Variants in GBE1 observed in about 807,000 individuals in gnomAD.
GBE1 encodes 1,4-alpha-glucan branching enzyme 1, also known as 1,4-alpha-glucan-branching enzyme.
In GBE1, 70 loss-of-function variants were observed where a neutral mutation model predicts 88.8. That is an observed-to-expected ratio of 0.79 (90% confidence interval 0.65 to 0.96). The LOEUF is 0.96. GBE1 is among the 40% of genes least tolerant of loss of function. GBE1 has a pLI of 0.00. For synonymous variants in GBE1, 284 were observed against 300.1 expected (o/e 0.95, Z 0.56); for missense variants, 872 against 871.0 (o/e 1.00, Z -0.01).
chr3:81,757,333 G>A (rs1288155504), intron 1 of GBE1, among the ~76,000 whole-genome samples: 1 of 152,178 alleles, frequency 6.6e-6, no homozygotes, highest in Non-Finnish European at 1.5e-5. Flanking sequence ...GAACTCAAGA[G>A]AAATGAGGAA....
At chr3:81,593,112 C>G (rs1004407312) in intron 8 of GBE1, among the ~76,000 whole-genome samples, 2 of 151,946 alleles carry the variant, frequency 1.3e-5, no homozygotes, top group Admixed American at 1.3e-4. Context: ...CCTGCAATCC[C>G]AGCACTTTGG....
chr3:81,525,008 G>A (rs1490291064), intron 14 of GBE1, among the ~76,000 whole-genome samples: 1 of 151,788 alleles, frequency 6.6e-6, no homozygotes, highest in Non-Finnish European at 1.5e-5. Flanking sequence ...GATTGGTATG[G>A]TCATTGGTAT....
chr3:81,594,525 T>G (rs1023795852), intron 7 of GBE1, among the ~76,000 whole-genome samples: 1 of 151,944 alleles, frequency 6.6e-6, no homozygotes, highest in Non-Finnish European at 1.5e-5. Context: ...GTTTAAAATA[T>G]TTCCTCATGC....
intron 1 of GBE1, among the ~76,000 whole-genome samples, chr3:81,736,534 T>G (rs535300594): frequency 6.6e-6 from 1 of 152,332 alleles, no homozygotes; most frequent in African/African-American, 2.4e-5. Context: ...ACTTCCAGAT[T>G]GCTGCTAATA....
chr3:81,748,517 A>C (rs1454012794), intron 1 of GBE1, among the ~76,000 whole-genome samples: 1 of 151,926 alleles, frequency 6.6e-6, no homozygotes, highest in Non-Finnish European at 1.5e-5. Flanking sequence ...AGACTGGGGC[A>C]GGAGAATGGC....
At chr3:81,521,642 G>A (rs1412540046) in intron 14 of GBE1, among the ~76,000 whole-genome samples, 2 of 151,448 alleles carry the variant, frequency 1.3e-5, no homozygotes, top group African/African-American at 2.4e-5. Context: ...TAAAAGAAGA[G>A]ATCCATTTGC....
chr3:81,568,360 C>T (rs1407897039), intron 12 of GBE1, among the ~76,000 whole-genome samples: 3 of 152,144 alleles, frequency 2.0e-5, no homozygotes, highest in Admixed American at 6.5e-5. Context: ...GCTGGCCAGG[C>T]TGGTCACCAA....
At chr3:81,625,149 C>T (rs1343516025) in intron 7 of GBE1, among the ~76,000 whole-genome samples, 1 of 151,616 alleles carries the variant, frequency 6.6e-6, no homozygotes, top group African/African-American at 2.4e-5. Context: ...GGAAGAAAAA[C>T]ACAGAAACCA....
intron 12 of GBE1, among the ~76,000 whole-genome samples, chr3:81,542,443 T>G (rs1302152750): frequency 6.6e-6 from 1 of 152,134 alleles, no homozygotes; most frequent in Non-Finnish European, 1.5e-5. Context: ...TCCCAAGTTT[T>G]GAACACTGCT....
intron 1 of GBE1, among the ~76,000 whole-genome samples, chr3:81,742,322 G>A (rs943465950): frequency 6.6e-6 from 1 of 152,044 alleles, no homozygotes; most frequent in African/African-American, 2.4e-5. Context: ...TTATTCTAGT[G>A]TGAATACTGC....
At chr3:81,607,050 C>T (rs1278230836) in intron 7 of GBE1, among the ~76,000 whole-genome samples, 1 of 152,136 alleles carries the variant, frequency 6.6e-6, no homozygotes, top group African/African-American at 2.4e-5. Context: ...GCAGGCTACA[C>T]CATATTGCCA....
intron 7 of GBE1, among the ~76,000 whole-genome samples, chr3:81,639,430 T>C (rs1256440228): frequency 2.6e-5 from 4 of 152,064 alleles, no homozygotes; most frequent in African/African-American, 9.7e-5. Flanking sequence ...TATTTCCACA[T>C]GAACAGGTAT....
chr3:81,717,444 T>G (rs1478116110), intron 1 of GBE1, among the ~76,000 whole-genome samples: 2 of 152,208 alleles, frequency 1.3e-5, no homozygotes, highest in African/African-American at 4.8e-5. Context: ...TAGGATATTG[T>G]TCTTAATGTG....
chr3:81,523,746 C>A, intron 14 of GBE1, among the ~76,000 whole-genome samples: 1 of 151,778 alleles, frequency 6.6e-6, no homozygotes, highest in South Asian at 2.1e-4. Context: ...TGAAAACATG[C>A]AAAGTTAGTT....
At chr3:81,749,518 T>C (rs1480650932) in intron 1 of GBE1, among the ~76,000 whole-genome samples, 2 of 152,218 alleles carry the variant, frequency 1.3e-5, no homozygotes, top group Non-Finnish European at 1.5e-5. Context: ...TTCGTAGTGA[T>C]GTAACAGTTC....
chr3:81,743,319 T>C (rs1706376580), intron 1 of GBE1, among the ~76,000 whole-genome samples: 2 of 151,998 alleles, frequency 1.3e-5, no homozygotes, highest in East Asian at 3.9e-4. Context: ...AAGTTATATA[T>C]GCAAATATAA....
intron 13 of GBE1, among the ~76,000 whole-genome samples, chr3:81,536,215 A>T (rs1559637453): frequency 6.6e-6 from 1 of 151,966 alleles, no homozygotes; most frequent in Admixed American, 6.6e-5. Context: ...CAGCCATTAA[A>T]AAAAAAAGAA....
chr3:81,665,367 A>G (rs1005626477), intron 3 of GBE1, among the ~76,000 whole-genome samples: 1 of 151,326 alleles, frequency 6.6e-6, no homozygotes, highest in African/African-American at 2.4e-5. Flanking sequence ...CCCCGTCTCT[A>G]CTAAAAATAC....
rs576789322 is a variant in GBE1, at chr3:81,494,106, A to C, written c.2053-3643T>G. Among the ~76,000 whole-genome samples the C allele has an allele frequency of 3.3e-5, 5 of 152,246 alleles. No homozygotes were observed. The South Asian group carries it at 1.0e-3, about 32-fold the overall frequency. ...TAATAATATACATATATTTCACTGC[A>C]GTGTTAATTACCAGAATGTGTTTAT... On this transcript the variant is annotated intron_variant, in intron 15 of 15. Coordinates refer to ENST00000429644, the MANE Select transcript of GBE1 (RefSeq NM_000158.4).
Sources: gnomAD v4.1 joint callset for allele counts (sites outside exome capture counted in the v4.1 genomes callset) on GRCh38, gnomAD v4.1.1 for gene constraint, MANE v1.5 for transcripts, NCBI Gene and HGNC (gene_info 2026-07-23, HGNC 2026-07-21) for gene names.